The following LTBP1 variants were observed in gnomAD, a reference collection of about 807,000 sequenced individuals.
The protein encoded by LTBP1 is latent transforming growth factor beta binding protein 1.
In LTBP1, 129 loss-of-function variants were observed where a neutral mutation model predicts 207.6. That is an observed-to-expected ratio of 0.62 (90% CI 0.54 to 0.72). The LOEUF (loss-of-function observed/expected upper bound fraction) is 0.72, where lower values mean the gene tolerates loss of function less well. Among genes scored for constraint, LTBP1 ranks in the 30% least tolerant of loss-of-function variants. The pLI, the probability that LTBP1 is intolerant of heterozygous loss-of-function variation, is 0.00. For missense variants in LTBP1, 2,281 were observed against 2,217.2 expected (o/e 1.03, Z -0.58); for synonymous variants, 963 against 833.7 (o/e 1.16, Z -2.67).
At chr2:32,996,079 G>A (rs1032600648) in intron 2 of LTBP1, among the ~76,000 whole-genome samples, 1 of 152,074 alleles carries the variant, frequency 6.6e-6, no homozygotes, top group Non-Finnish European at 1.5e-5. Flanking sequence ...TTATGGCCTT[G>A]TCTTTGTTTT....
At chr2:33,323,890 G>A (rs1160666262) in intron 24 of LTBP1, among the ~76,000 whole-genome samples, 4 of 152,112 alleles carry the variant, frequency 2.6e-5, no homozygotes, top group Admixed American at 2.0e-4. Context: ...GTGTAGTAGT[G>A]GCTAAGAAGT....
rs765725436 is a variant in LTBP1, at chr2:33,018,447, G to A, written c.566-2462G>A. ...GAAACATGTTTCTAATTGAAAGCAT[G>A]ATGAGAAGGCACACATGAAAGGGCC... On this transcript the variant is annotated intron_variant, in intron 2 of 33. Coordinates refer to ENST00000404816, the MANE Select transcript of LTBP1 (RefSeq NM_206943.4). Among the ~76,000 whole-genome samples, 14 of 152,270 alleles carry A rather than the reference G, an allele frequency of 9.2e-5. No individual in the cohort carries two copies. The South Asian group carries it at 2.9e-3, about 32-fold the overall frequency.
At chr2:33,203,285 CAG>C (rs561300555) in intron 7 of LTBP1, among the ~76,000 whole-genome samples, 54 of 152,298 alleles carry the variant, frequency 3.5e-4, no homozygotes, top group South Asian at 3.5e-3. Context: ...TCAGCAGAGA[CAG>C]GGGTAAGATC....
chr2:33,174,849 G>A (rs1384701917), intron 5 of LTBP1, among the ~76,000 whole-genome samples: 11 of 151,866 alleles, frequency 7.2e-5, no homozygotes, highest in East Asian at 1.9e-4. Context: ...CAGAAATAAC[G>A]CCGCATATCT....
At chr2:33,151,934 T>C (rs892659125) in intron 5 of LTBP1, among the ~76,000 whole-genome samples, 11 of 151,898 alleles carry the variant, frequency 7.2e-5, no homozygotes, top group Non-Finnish European at 1.5e-4. Flanking sequence ...GGTTCCACAA[T>C]TTTGCAGTTG....
intron 15 of LTBP1, among the ~76,000 whole-genome samples, chr2:33,266,340 T>C (rs1198833628): frequency 6.6e-6 from 1 of 152,106 alleles, no homozygotes; most frequent in African/African-American, 2.4e-5. Context: ...GGCTTGCAGG[T>C]GCCCCTCAGC....
intron 2 of LTBP1, among the ~76,000 whole-genome samples, chr2:33,016,187 A>G (rs1688353433): frequency 6.6e-6 from 1 of 152,156 alleles, no homozygotes; most frequent in South Asian, 2.1e-4. Context: ...CCCTCTGTGC[A>G]GAGACAAGGA....
chr2:33,168,574 G>A (rs1355682165), intron 5 of LTBP1, among the ~76,000 whole-genome samples: 1 of 152,058 alleles, frequency 6.6e-6, no homozygotes, highest in Non-Finnish European at 1.5e-5. Context: ...ATTTGGGATT[G>A]TGTACCCACC....
chr2:33,373,488 G>C (rs2095096522), intron 31 of LTBP1, among the ~76,000 whole-genome samples: 1 of 152,226 alleles, frequency 6.6e-6, no homozygotes, highest in Admixed American at 6.5e-5. Context: ...GTGAGGATCT[G>C]TTGAGTCAAA....
chr2:33,087,083 G>GTTTTTT (rs1558618712), intron 3 of LTBP1, among the ~76,000 whole-genome samples: 2 of 33,096 alleles, frequency 6.0e-5, no homozygotes, highest in Non-Finnish European at 1.4e-4. Flanking sequence ...CCTCCTTTAT[G>GTTTTTT]CTTTTTTTTT....
chr2:33,123,452 C>A (rs2081264656), intron 4 of LTBP1, among the ~76,000 whole-genome samples: 1 of 151,890 alleles, frequency 6.6e-6, no homozygotes, highest in Non-Finnish European at 1.5e-5. Context: ...AAGTACATAG[C>A]AGGCATGCTC....
chr2:33,033,167 A>G (rs961084833), intron 3 of LTBP1, among the ~76,000 whole-genome samples: 2 of 152,226 alleles, frequency 1.3e-5, no homozygotes, highest in Non-Finnish European at 2.9e-5. Flanking sequence ...CTTTAGTTTC[A>G]ATGAATAATT....
Position 33,389,136 on chromosome 2 carries a change from G to A in LTBP1, c.4712-48G>A, listed in dbSNP as rs1164013347. The A allele has an allele frequency of 1.9e-6, 3 of 1,610,422 alleles. No individual in the cohort carries two copies. The Admixed American group carries it at 5.0e-5, about 27-fold the overall frequency. ...TCTGAGCTGCGAGGGGGTGGGGCAG[G>A]TGCGAGCTAACAGTGGTGGGGCCTC... On this transcript the variant is annotated intron_variant, in intron 31 of 33. Transcript: ENST00000404816.
intron 2 of LTBP1, among the ~76,000 whole-genome samples, chr2:32,958,092 G>A (rs1678383762): frequency 6.6e-6 from 1 of 152,220 alleles, no homozygotes; most frequent in African/African-American, 2.4e-5. Flanking sequence ...GTGGTTGGAA[G>A]TTCAGTCTTT....
intron 17 of LTBP1, 141 bp downstream of exon 17, chr2:33,275,231 C>T (rs1464129260): frequency 8.1e-6 from 8 of 993,436 alleles, no homozygotes; most frequent in African/African-American, 1.6e-5. Flanking sequence ...TGCTAGATCC[C>T]AGGTGATATA....
At chr2:33,358,006 C>A (rs1335701987) in intron 26 of LTBP1, among the ~76,000 whole-genome samples, 1 of 152,030 alleles carries the variant, frequency 6.6e-6, no homozygotes, top group Non-Finnish European at 1.5e-5. Context: ...GAGTTTTATC[C>A]CAATAGAAAA....
chr2:33,262,796 T>C lies in LTBP1; in HGVS notation c.2493T>C (p.Thr831=), dbSNP rs1262828470. ...CCCAGCTGTCTCCAGGCATTTCCAC[T>C]ATTCATCTGCATCCACAGTTTCCAG... is the stretch of plus-strand genomic sequence containing the variant. ...GQPQLSPGIS[T]IHLHPQFPVV... The change falls in exon 14 of 34, where the codon ACT becomes ACC. Residue 831 remains threonine (T), a synonymous_variant. Transcript: ENST00000404816. 1.2e-6 allele frequency: 2 copies of C among 1,606,780 alleles called. No individual in the cohort carries two copies. The highest frequency in any genetic ancestry group is 2.2e-5 in the South Asian group (2 of 89,994).
intron 9 of LTBP1, among the ~76,000 whole-genome samples, chr2:33,223,881 A>G (rs757004012): frequency 3.3e-5 from 5 of 152,342 alleles, no homozygotes; most frequent in Non-Finnish European, 4.4e-5. Flanking sequence ...CCCTATAAAC[A>G]CGCCTTAAAA....
At chr2:33,234,995 G>T (rs999372719) in intron 9 of LTBP1, among the ~76,000 whole-genome samples, 1 of 152,154 alleles carries the variant, frequency 6.6e-6, no homozygotes, top group Admixed American at 6.5e-5. Flanking sequence ...CATGGGCAAA[G>T]ACTTCATGAC....
Sources: gnomAD v4.1 joint callset for allele counts (sites outside exome capture counted in the v4.1 genomes callset) on GRCh38, gnomAD v4.1.1 for gene constraint, MANE v1.5 for transcripts, NCBI Gene and HGNC (gene_info 2026-07-23, HGNC 2026-07-21) for gene names.